The following PCSK5 variants were observed in gnomAD, a reference collection of about 807,000 sequenced individuals.
PCSK5 encodes the protein prohormone convertase 5.
In PCSK5, 129 loss-of-function variants were observed where a neutral mutation model predicts 233.2. The ratio of observed to expected loss-of-function variants is 0.55; its 90% confidence interval spans 0.48 to 0.64. The LOEUF is 0.64. Among genes scored for constraint, PCSK5 ranks in the 30% least tolerant of loss-of-function variants. The probability of loss-of-function intolerance (pLI) is 0.00; values close to 1 mark genes in which losing one functional copy is unlikely to be tolerated. For synonymous variants in PCSK5, 825 were observed against 879.2 expected, an observed-to-expected ratio of 0.94 and a Z score of 1.09; for missense variants, 2,076 against 2,430.1, an observed-to-expected ratio of 0.85 and a Z score of 3.06.
At chr9:76,269,493 A>G (rs79635739) in intron 24 of PCSK5, among the ~76,000 whole-genome samples, 5,567 of 152,294 alleles carry the variant, frequency 0.037, 345 homozygotes, top group African/African-American at 0.13. Context: ...TGAGAAGGAG[A>G]AGAAGCTTAA....
At chr9:76,076,317 G>A (rs1031665649) in intron 7 of PCSK5, among the ~76,000 whole-genome samples, 2 of 152,186 alleles carry the variant, frequency 1.3e-5, no homozygotes, top group African/African-American at 4.8e-5. Flanking sequence ...TGGTGGGCCT[G>A]TGAATTGTGT....
chr9:76,316,094 A>T lies in PCSK5; in HGVS notation c.3884+5243A>T, dbSNP rs577397866. ...GCATTCATCATCTTCAGTGTCCAGA[A>T]ACTATTCTCTGCAGGTCTTGGCCAG... On this transcript the variant is annotated intron_variant, in intron 30 of 37. Transcript: ENST00000674117. 5.9e-5 allele frequency among the ~76,000 whole-genome samples: 9 copies of T among 152,176 alleles called. No individual in the cohort carries two copies. In the South Asian group the frequency reaches 1.7e-3, roughly 28 times the overall value.
At chr9:75,980,831 T>C (rs1211673426) in intron 2 of PCSK5, among the ~76,000 whole-genome samples, 1 of 152,058 alleles carries the variant, frequency 6.6e-6, no homozygotes, top group Non-Finnish European at 1.5e-5. Context: ...CTTTGGACTT[T>C]AGAGCTTCTT....
chr9:75,976,585 A>G (rs2131374372), intron 2 of PCSK5, among the ~76,000 whole-genome samples: 1 of 152,182 alleles, frequency 6.6e-6, no homozygotes, highest in South Asian at 2.1e-4. Context: ...CTTTCCTGCA[A>G]GGATAAAGTA....
chr9:76,248,349 A>AT (rs953233635), intron 24 of PCSK5, among the ~76,000 whole-genome samples: 59 of 151,658 alleles, frequency 3.9e-4, no homozygotes, highest in East Asian at 2.7e-3. Flanking sequence ...CAATTAGAGC[A>AT]TTTTTTTTTA....
intron 14 of PCSK5, 57 bp downstream of exon 14, chr9:76,175,186 A>T: frequency 6.7e-7 from 1 of 1,500,332 alleles, no homozygotes; most frequent in South Asian, 1.1e-5. Flanking sequence ...GCATCATCCC[A>T]CCACATGGGA....
intron 24 of PCSK5, among the ~76,000 whole-genome samples, chr9:76,273,788 A>G (rs1014440756): frequency 2.0e-5 from 3 of 150,292 alleles, no homozygotes; most frequent in Non-Finnish European, 4.4e-5. Context: ...GCATGCTATC[A>G]TACATAGCTA....
intron 2 of PCSK5, among the ~76,000 whole-genome samples, chr9:75,938,582 C>A (rs989886679): frequency 1.3e-5 from 2 of 152,182 alleles, no homozygotes; most frequent in Non-Finnish European, 2.9e-5. Flanking sequence ...AGGATTGCCA[C>A]AAATCTTCAA....
intron 35 of PCSK5, among the ~76,000 whole-genome samples, chr9:76,350,290 G>A (rs1426843850): frequency 6.6e-6 from 1 of 151,206 alleles, no homozygotes; most frequent in Non-Finnish European, 1.5e-5. Context: ...TCTGAGAAGA[G>A]AACTTACAGC....
chr9:76,349,273 C>CAAAAAAAAA (rs71372068), intron 35 of PCSK5, among the ~76,000 whole-genome samples: 1 of 66,472 alleles, frequency 1.5e-5, no homozygotes, highest in African/African-American at 5.4e-5. Context: ...GACTCTGTCT[C>CAAAAAAAAA]AAAAAAAAAA....
At chr9:76,007,979 T>G (rs1487455523) in intron 3 of PCSK5, among the ~76,000 whole-genome samples, 1 of 152,028 alleles carries the variant, frequency 6.6e-6, no homozygotes, top group African/African-American at 2.4e-5. Flanking sequence ...CCCTTCTAAT[T>G]TGCTCCTTCA....
chr9:76,062,184 G>A (rs531827522), intron 5 of PCSK5, among the ~76,000 whole-genome samples: 26 of 152,122 alleles, frequency 1.7e-4, no homozygotes, highest in Non-Finnish European at 3.4e-4. Flanking sequence ...GGAGTTTGAG[G>A]TTACAGTGAA....
chr9:76,225,230 T>C (rs567908080), intron 20 of PCSK5, among the ~76,000 whole-genome samples: 1 of 152,298 alleles, frequency 6.6e-6, no homozygotes, highest in South Asian at 2.1e-4. Context: ...ATAAAATCTT[T>C]GAGAACCCAC....
At chr9:76,221,424 G>T (rs1340149128) in intron 20 of PCSK5, among the ~76,000 whole-genome samples, 1 of 152,136 alleles carries the variant, frequency 6.6e-6, no homozygotes, top group Non-Finnish European at 1.5e-5. Context: ...GACACACCTG[G>T]GTCGCAGCCC....
At chr9:75,924,430 T>C (rs530332897) in intron 1 of PCSK5, among the ~76,000 whole-genome samples, 2 of 152,314 alleles carry the variant, frequency 1.3e-5, no homozygotes, top group East Asian at 3.9e-4. Flanking sequence ...AATCTAGGTG[T>C]CAGGATGTTG....
chr9:76,251,914 T>C (rs7875259), intron 24 of PCSK5, among the ~76,000 whole-genome samples: 2,263 of 152,162 alleles, frequency 0.015, 78 homozygotes, highest in African/African-American at 0.051. Flanking sequence ...CCAATCATAC[T>C]AGCTAATGTT....
chr9:76,252,616 C>G (rs1159111158), intron 24 of PCSK5, among the ~76,000 whole-genome samples: 2 of 152,188 alleles, frequency 1.3e-5, no homozygotes, highest in African/African-American at 4.8e-5. Flanking sequence ...CTTTACCTTC[C>G]TTCAGTTTCG....
chr9:75,991,936 A>T (rs927169997), intron 3 of PCSK5, among the ~76,000 whole-genome samples: 1 of 144,900 alleles, frequency 6.9e-6, no homozygotes, highest in Non-Finnish European at 1.5e-5. Flanking sequence ...AATGTAAAAT[A>T]AAAAAAAAAA....
intron 35 of PCSK5, among the ~76,000 whole-genome samples, chr9:76,346,206 G>A (rs1429731214): frequency 6.6e-6 from 1 of 152,104 alleles, no homozygotes; most frequent in Non-Finnish European, 1.5e-5. Flanking sequence ...TAGGTGTGTG[G>A]CATTATTTCT....
Sources: gnomAD v4.1 joint callset for allele counts (sites outside exome capture counted in the v4.1 genomes callset) on GRCh38, gnomAD v4.1.1 for gene constraint, MANE v1.5 for transcripts, NCBI Gene and HGNC (gene_info 2026-07-23, HGNC 2026-07-21) for gene names.